Variants in CKAP5 observed in about 807,000 individuals in gnomAD.
CKAP5 encodes cytoskeleton-associated protein 5.
A neutral mutation model predicts 232.8 loss-of-function variants in CKAP5; 27 were observed. That is an observed-to-expected ratio of 0.12 (90% CI 0.09 to 0.16). The LOEUF (loss-of-function observed/expected upper bound fraction) is 0.16. Ranked by LOEUF, CKAP5 falls within the 10% of genes least tolerant of loss-of-function variation. The pLI is 1.00. For missense variants in CKAP5, 1,838 were observed against 2,424.7 expected (o/e 0.76, Z 5.08); for synonymous variants, 785 against 841.1 (o/e 0.93, Z 1.16).
Position 46,751,368 on chromosome 11 carries a change from A to G in CKAP5, c.5300T>C (p.Leu1767Ser). The part of the protein sequence containing the change: ...IRTLKTLLHT[L>S]CKLKGPKILD... ...CACCTTGGGCCCTTTTAATTTGCAT[A>G]AGGTGTGTAGCAGGGTCTTTAGGGT... Residue 1767 changes from leucine (L) to serine (S), a missense_variant, in exon 39 of 44, where the codon TTA (leucine) becomes TCA (serine). Physicochemically the swap from Leu to Ser is moderately radical, Grantham distance 145. This residue lies in a region of CKAP5 where 579 missense variants were observed against 843.2 expected (regional missense o/e 0.69). Coordinates refer to ENST00000529230, the MANE Select transcript of CKAP5 (RefSeq NM_001008938.4). The G allele has an allele frequency of 6.2e-7, 1 of 1,613,876 alleles. No individual in the cohort carries two copies. Among genetic ancestry groups the G allele is most frequent in the South Asian group, 1.1e-5 (1 of 91,052 alleles).
At chr11:46,814,464 AG>A (rs1939353591) in intron 4 of CKAP5, among the ~76,000 whole-genome samples, 1 of 152,244 alleles carries the variant, frequency 6.6e-6, no homozygotes, top group African/African-American at 2.4e-5. Context: ...ATACTTTCAC[AG>A]AAGATAAACA....
intron 8 of CKAP5, among the ~76,000 whole-genome samples, chr11:46,805,194 C>T (rs1171209841): frequency 6.6e-6 from 1 of 152,010 alleles, no homozygotes; most frequent in Non-Finnish European, 1.5e-5. Flanking sequence ...GAGATCGTGC[C>T]ACTGCACTCC....
At chr11:46,819,259 C>A in intron 2 of CKAP5, among the ~76,000 whole-genome samples, 1 of 151,766 alleles carries the variant, frequency 6.6e-6, no homozygotes, top group East Asian at 1.9e-4. Context: ...AAAGGGGAGA[C>A]AGAACATTCC....
intron 43 of CKAP5, 38 bp downstream of exon 43, chr11:46,744,388 T>G (rs754674386): frequency 6.2e-7 from 1 of 1,613,724 alleles, no homozygotes; most frequent in Admixed American, 1.7e-5. Flanking sequence ...TGCTTGTGAC[T>G]ACCCTCCCTG....
chr11:46,768,221 G>T (rs1473609548), intron 26 of CKAP5, among the ~76,000 whole-genome samples: 4 of 151,982 alleles, frequency 2.6e-5, no homozygotes, highest in South Asian at 4.2e-4. Flanking sequence ...TTTAGACAGG[G>T]TTTCTGTCAC....
intron 1 of CKAP5, among the ~76,000 whole-genome samples, chr11:46,837,532 T>C (rs1319544796): frequency 6.6e-6 from 1 of 152,146 alleles, no homozygotes; most frequent in Non-Finnish European, 1.5e-5. Flanking sequence ...CCAGGTCTTG[T>C]TTCTAATAGC....
intron 13 of CKAP5, 149 bp from the exon 14 acceptor site, chr11:46,790,732 T>C: frequency 1.7e-6 from 1 of 606,022 alleles, no homozygotes; most frequent in Non-Finnish European, 2.9e-6. Context: ...AGGTTCAACC[T>C]CCTGGGCTCA....
At chr11:46,814,550 C>T (rs1373084182) in intron 4 of CKAP5, among the ~76,000 whole-genome samples, 2 of 152,152 alleles carry the variant, frequency 1.3e-5, no homozygotes, top group Non-Finnish European at 2.9e-5. Context: ...ATCTTCATTC[C>T]GTGAGGATTT....
At chr11:46,805,938 A>G (rs893598174) in intron 8 of CKAP5, among the ~76,000 whole-genome samples, 1 of 152,248 alleles carries the variant, frequency 6.6e-6, no homozygotes, top group Non-Finnish European at 1.5e-5. Flanking sequence ...ACTCCATCTC[A>G]AAAAAGAAAA....
intron 16 of CKAP5, among the ~76,000 whole-genome samples, chr11:46,787,584 A>G (rs1044330909): frequency 6.6e-6 from 1 of 152,136 alleles, no homozygotes; most frequent in African/African-American, 2.4e-5. Flanking sequence ...TTCACTGGCA[A>G]TTTAAGGACT....
intron 24 of CKAP5, among the ~76,000 whole-genome samples, chr11:46,774,437 C>G (rs1167938961): frequency 6.6e-6 from 1 of 152,124 alleles, no homozygotes; most frequent in African/African-American, 2.4e-5. Flanking sequence ...AGATTCAGTG[C>G]TATTCCCATC....
At chr11:46,822,855 C>T (rs1202947304) in intron 1 of CKAP5, among the ~76,000 whole-genome samples, 1 of 151,322 alleles carries the variant, frequency 6.6e-6, no homozygotes, top group East Asian at 1.9e-4. Context: ...TTTATATAAA[C>T]AAGTACAAAA....
chr11:46,801,098 T>C, intron 9 of CKAP5, 102 bp downstream of exon 9: 1 of 746,040 alleles, frequency 1.3e-6, no homozygotes, highest in East Asian at 2.7e-5. Flanking sequence ...GTACAGTATA[T>C]ACACATCTAT....
rs749661607 is a variant in CKAP5, at chr11:46,769,944, C to A, written c.3322+19G>T. On this transcript the variant is annotated intron_variant, in intron 26 of 43. Coordinates refer to ENST00000529230, the MANE Select transcript of CKAP5 (RefSeq NM_001008938.4). ...CAGGGCTATTTCCTTCCCCTTTAAC[C>A]TTCTTAAGATAGAGTTACCTGATGC... 4 of 1,613,598 alleles carry A rather than the reference C, an allele frequency of 2.5e-6. No homozygotes were observed. The highest frequency in any genetic ancestry group is 2.5e-6 in the Non-Finnish European group (3 of 1,179,764).
chr11:46,812,482 T>C (rs941922783), intron 4 of CKAP5, among the ~76,000 whole-genome samples: 2 of 152,190 alleles, frequency 1.3e-5, no homozygotes, highest in African/African-American at 4.8e-5. Context: ...GAGAGATTTA[T>C]TTATGAAAGA....
intron 1 of CKAP5, among the ~76,000 whole-genome samples, chr11:46,837,111 GT>G (rs1388203260): frequency 6.6e-6 from 1 of 152,154 alleles, no homozygotes; most frequent in Non-Finnish European, 1.5e-5. Flanking sequence ...AGTTGATAAA[GT>G]TTTTTTCATG....
At chr11:46,788,574 C>CA (rs879307241) in intron 16 of CKAP5, 107 bp downstream of exon 16, 24,505 of 563,436 alleles carry the variant, frequency 0.043, 1 homozygote, top group East Asian at 0.058. Context: ...AACTCCGTCT[C>CA]AAAAAAAAAA....
At chr11:46,813,747 T>G (rs1939328540) in intron 4 of CKAP5, among the ~76,000 whole-genome samples, 1 of 152,146 alleles carries the variant, frequency 6.6e-6, no homozygotes, top group Non-Finnish European at 1.5e-5. Flanking sequence ...TATACGTAAC[T>G]TGTTATTTTC....
intron 5 of CKAP5, among the ~76,000 whole-genome samples, chr11:46,810,282 T>C (rs1463065962): frequency 6.6e-6 from 1 of 152,062 alleles, no homozygotes; most frequent in African/African-American, 2.4e-5. Context: ...TCTAATTTCT[T>C]ATTTATGTGG....
Sources: allele counts gnomAD v4.1 joint callset (sites outside exome capture counted in the v4.1 genomes callset), GRCh38; gene constraint gnomAD v4.1.1; regional missense constraint gnomAD v4.1.1; transcripts MANE v1.5; gene names NCBI Gene and HGNC (gene_info 2026-07-23, HGNC 2026-07-21).